The following LTBP1 variants were observed in gnomAD, a reference collection of about 807,000 sequenced individuals.
LTBP1 encodes the protein latent transforming growth factor beta binding protein 1, also known as latent-transforming growth factor beta-binding protein 1.
Under a neutral mutation model 207.6 loss-of-function variants are expected in LTBP1, and 129 were observed. That is an observed-to-expected ratio of 0.62 (90% CI 0.54 to 0.72). The LOEUF is 0.72. LTBP1 is among the 30% of genes least tolerant of loss of function. LTBP1 has a pLI of 0.00. For synonymous variants in LTBP1, 963 were observed against 833.7 expected, an observed-to-expected ratio of 1.16 and a Z score of -2.67; for missense variants, 2,281 against 2,217.2, an observed-to-expected ratio of 1.03 and a Z score of -0.58.
At position 33,309,500 on chromosome 2, in the gene LTBP1, C is replaced by T; in HGVS notation, c.3548C>T (p.Ser1183Phe). ...GGAGACTGCATTAATACTGCAGGGT[C>T]CTATGATTGTACTTGTCCGGATGGA... ...QRGDCINTAG[S>F]YDCTCPDGFQ... is the part of the protein sequence containing the mutation. Residue 1183 changes from serine to phenylalanine, a missense_variant, in exon 23 of 34, where the codon TCC becomes TTC. By Grantham distance (155) the Ser-to-Phe change is radical. Coordinates refer to ENST00000404816, the MANE Select transcript of LTBP1 (RefSeq NM_206943.4). 1 of 1,610,298 alleles carries T rather than the reference C, an allele frequency of 6.2e-7. No homozygotes were observed. Among genetic ancestry groups the T allele is most frequent in the South Asian group, 1.1e-5 (1 of 90,356 alleles).
At chr2:33,359,830 A>G (rs934279933) in intron 26 of LTBP1, among the ~76,000 whole-genome samples, 5 of 152,214 alleles carry the variant, frequency 3.3e-5, no homozygotes, top group African/African-American at 1.2e-4. Flanking sequence ...ATTGAATTCA[A>G]TCAATTTCAT....
intron 5 of LTBP1, among the ~76,000 whole-genome samples, chr2:33,177,692 G>A (rs1011367525): frequency 6.6e-5 from 10 of 152,058 alleles, no homozygotes; most frequent in Admixed American, 5.9e-4. Flanking sequence ...AGAAAGAAAT[G>A]CAGACAAGCT....
chr2:32,989,253 G>T (rs1344762695), intron 2 of LTBP1, among the ~76,000 whole-genome samples: 4 of 152,206 alleles, frequency 2.6e-5, no homozygotes, highest in Admixed American at 1.3e-4. Context: ...CCAGTGAGGT[G>T]TTTCAACACA....
intron 23 of LTBP1, 85 bp from the exon 24 acceptor site, chr2:33,315,059 A>G: frequency 1.8e-6 from 2 of 1,096,030 alleles, no homozygotes; most frequent in Non-Finnish European, 2.6e-6. Flanking sequence ...CCATGTCATA[A>G]TAGATTTATT....
chr2:33,123,138 G>T (rs1351539977), intron 4 of LTBP1, among the ~76,000 whole-genome samples: 1 of 152,220 alleles, frequency 6.6e-6, no homozygotes, highest in African/African-American at 2.4e-5. Flanking sequence ...GGGTGGGTCA[G>T]TTCCATCAGT....
At chr2:33,384,749 T>C (rs2095251145) in intron 31 of LTBP1, among the ~76,000 whole-genome samples, 1 of 152,236 alleles carries the variant, frequency 6.6e-6, no homozygotes, top group Non-Finnish European at 1.5e-5. Flanking sequence ...TCTTGGGCTC[T>C]GTACTCTCAG....
chr2:33,311,713 A>G (rs2094190933), intron 23 of LTBP1, among the ~76,000 whole-genome samples: 10 of 152,300 alleles, frequency 6.6e-5, no homozygotes, highest in Admixed American at 5.2e-4. Flanking sequence ...TTTAACTTCT[A>G]GAGTTCAGTC....
chr2:33,271,728 G>T (rs1261774619), intron 15 of LTBP1, among the ~76,000 whole-genome samples: 2 of 152,124 alleles, frequency 1.3e-5, no homozygotes, highest in Non-Finnish European at 2.9e-5. Flanking sequence ...TTTTCTGTGT[G>T]TATTGTAGTA....
At chr2:33,298,363 G>T (rs2093920865) in intron 20 of LTBP1, among the ~76,000 whole-genome samples, 1 of 152,148 alleles carries the variant, frequency 6.6e-6, no homozygotes, top group South Asian at 2.1e-4. Context: ...AAGATGTCTG[G>T]CATAGCCTGA....
chr2:33,229,705 G>A (rs191722925), intron 9 of LTBP1, among the ~76,000 whole-genome samples: 9 of 152,118 alleles, frequency 5.9e-5, no homozygotes, highest in East Asian at 5.8e-4. Context: ...TTCCTCTGTC[G>A]GTACGGCTGA....
chr2:33,226,226 G>A (rs984182411), intron 9 of LTBP1, among the ~76,000 whole-genome samples: 1 of 152,138 alleles, frequency 6.6e-6, no homozygotes, highest in African/African-American at 2.4e-5. Context: ...ATTTCAGTCT[G>A]TGTTTTTTTA....
At chr2:33,097,913 T>G (rs142418233) in intron 3 of LTBP1, among the ~76,000 whole-genome samples, 480 of 152,312 alleles carry the variant, frequency 3.2e-3, no homozygotes, top group African/African-American at 0.011. Flanking sequence ...TTATAAACAG[T>G]CATTTAATAA....
chr2:33,062,564 C>A (rs527480606), intron 3 of LTBP1, among the ~76,000 whole-genome samples: 1 of 152,034 alleles, frequency 6.6e-6, no homozygotes, highest in African/African-American at 2.4e-5. Flanking sequence ...TTTCTTTTCT[C>A]CGTTGGAATG....
At chr2:33,387,982 C>T (rs568491305) in intron 31 of LTBP1, among the ~76,000 whole-genome samples, 17 of 152,286 alleles carry the variant, frequency 1.1e-4, no homozygotes, top group African/African-American at 3.8e-4. Flanking sequence ...TGTTGACATC[C>T]GTGGAGCCCC....
At chr2:33,188,940 T>C in intron 7 of LTBP1, 89 bp downstream of exon 7, 2 of 1,453,246 alleles carry the variant, frequency 1.4e-6, no homozygotes, top group East Asian at 2.3e-5. Flanking sequence ...AAAATGCTTT[T>C]TTAAAAAAAA....
At chr2:33,267,181 C>T (rs769363815) in intron 15 of LTBP1, among the ~76,000 whole-genome samples, 5 of 152,250 alleles carry the variant, frequency 3.3e-5, no homozygotes, top group Non-Finnish European at 7.3e-5. Flanking sequence ...TCTGCTACAG[C>T]AGCTGGGATG....
In LTBP1 at chr2:33,398,572, T is replaced by C. The variant is rs1235232817; in HGVS notation, c.*27T>C. 6.9e-6 allele frequency: 11 copies of C among 1,604,238 alleles called. No homozygotes were observed. Among genetic ancestry groups the C allele is most frequent in the Non-Finnish European group, 9.4e-6 (11 of 1,173,660 alleles). On this transcript the variant is annotated 3_prime_UTR_variant, in exon 34 of 34. Coordinates refer to ENST00000404816, the MANE Select transcript of LTBP1 (RefSeq NM_206943.4). Reference sequence around the variant, plus strand: ...ACAGAATCTACATAACCTAAGCCCATATACTCTGCACTGTGTAAAGGAAAA... The same window carrying C: ...ACAGAATCTACATAACCTAAGCCCACATACTCTGCACTGTGTAAAGGAAAA...
chr2:33,187,161 GC>G, intron 6 of LTBP1, 81 bp downstream of exon 6: 1 of 1,224,914 alleles, frequency 8.2e-7, no homozygotes, highest in Non-Finnish European at 1.2e-6. Flanking sequence ...TCTGCGGGTG[GC>G]CAGGGCTGGT....
At chr2:33,322,164 T>C (rs2149350464) in intron 24 of LTBP1, among the ~76,000 whole-genome samples, 1 of 151,836 alleles carries the variant, frequency 6.6e-6, no homozygotes, top group Admixed American at 6.6e-5. Flanking sequence ...GCTGACCTTT[T>C]CAAACCCCAG....
Sources: gnomAD v4.1 joint callset for allele counts (sites outside exome capture counted in the v4.1 genomes callset) on GRCh38, gnomAD v4.1.1 for gene constraint, MANE v1.5 for transcripts, NCBI Gene and HGNC (gene_info 2026-07-23, HGNC 2026-07-21) for gene names.